The following BRINP3 variants were observed in gnomAD, a reference collection of about 807,000 sequenced individuals.
BRINP3 encodes BMP/retinoic acid-inducible neural-specific protein 3.
A neutral mutation model predicts 71.0 loss-of-function variants in BRINP3; 19 were observed. The ratio of observed to expected loss-of-function variants is 0.27; its 90% CI spans 0.19 to 0.39. The LOEUF (loss-of-function observed/expected upper bound fraction) is 0.39, where lower values mean the gene tolerates loss of function less well. BRINP3 is among the 10% of genes least tolerant of loss of function. BRINP3 has a pLI of 1.00. For synonymous variants in BRINP3, 380 were observed against 337.7 expected, an observed-to-expected ratio of 1.13 and a Z score of -1.37; for missense variants, 959 against 940.8, an observed-to-expected ratio of 1.02 and a Z score of -0.25.
At chr1:190,242,849 G>A (rs1337377377) in intron 4 of BRINP3, among the ~76,000 whole-genome samples, 5 of 152,066 alleles carry the variant, frequency 3.3e-5, no homozygotes, top group South Asian at 2.1e-4. Flanking sequence ...TGAAGGTTAC[G>A]TGAGAATAAT....
At chr1:190,310,167 C>T (rs549754861) in intron 2 of BRINP3, among the ~76,000 whole-genome samples, 14 of 150,292 alleles carry the variant, frequency 9.3e-5, no homozygotes, top group African/African-American at 2.4e-4. Flanking sequence ...CAAATAACAC[C>T]AAGGAAAGAA....
intron 2 of BRINP3, among the ~76,000 whole-genome samples, chr1:190,425,934 C>A (rs879764742): frequency 3.3e-5 from 5 of 151,676 alleles, no homozygotes; most frequent in Non-Finnish European, 7.4e-5. Context: ...CAATAACTAA[C>A]AAAAAGCCCA....
chr1:190,476,954 T>G (rs573724878), intron 1 of BRINP3, among the ~76,000 whole-genome samples: 1 of 152,308 alleles, frequency 6.6e-6, no homozygotes, highest in East Asian at 1.9e-4. Flanking sequence ...AAAAATACAC[T>G]TTGCAACAAA....
chr1:190,244,120 C>A (rs1659360930), intron 4 of BRINP3, among the ~76,000 whole-genome samples: 1 of 151,958 alleles, frequency 6.6e-6, no homozygotes, highest in Non-Finnish European at 1.5e-5. Context: ...ATGTAACGAA[C>A]TTGAATCATC....
At chr1:190,278,148 T>A (rs1035328880) in intron 3 of BRINP3, among the ~76,000 whole-genome samples, 18 of 151,876 alleles carry the variant, frequency 1.2e-4, no homozygotes, top group Non-Finnish European at 1.3e-4. Context: ...TTTATGACTG[T>A]AAAACTGATA....
At chr1:190,173,336 G>A (rs995821419) in intron 6 of BRINP3, among the ~76,000 whole-genome samples, 4 of 152,136 alleles carry the variant, frequency 2.6e-5, no homozygotes, top group African/African-American at 7.2e-5. Flanking sequence ...CATGGCTAAT[G>A]TTTTCAGTTT....
intron 6 of BRINP3, among the ~76,000 whole-genome samples, chr1:190,192,258 A>G (rs1296192815): frequency 1.3e-5 from 2 of 152,172 alleles, no homozygotes; most frequent in African/African-American, 4.8e-5. Context: ...TGAAGTAAAA[A>G]TAATCTTTAA....
chr1:190,454,701 C>CA lies in BRINP3; in HGVS notation c.189dup (p.Val64CysfsTer9). 1 of 1,614,124 alleles carries CA rather than the reference C, an allele frequency of 6.2e-7. No homozygotes were observed. Among genetic ancestry groups the CA allele is most frequent in the Non-Finnish European group, 8.5e-7 (1 of 1,180,026 alleles). On this transcript the variant is annotated frameshift_variant, in exon 2 of 8. Transcript: ENST00000367462. LOFTEE classifies it high-confidence loss of function. The stretch of plus-strand genomic sequence containing the variant: ...CTAAATCCCTGCCGGCTTCTGTCCA[C>CA]AAAATCTGTGTATTCCTGTGAGCGA...
chr1:190,446,417 C>T (rs1479238354), intron 2 of BRINP3, among the ~76,000 whole-genome samples: 2 of 151,936 alleles, frequency 1.3e-5, no homozygotes, highest in South Asian at 2.1e-4. Context: ...CTTACTATAG[C>T]TTCTTCAATA....
intron 7 of BRINP3, among the ~76,000 whole-genome samples, chr1:190,138,390 T>TA (rs1363260229): frequency 6.6e-6 from 1 of 152,140 alleles, no homozygotes; most frequent in Admixed American, 6.5e-5. Context: ...TTGCATAAGT[T>TA]AAAAAAACAA....
chr1:190,331,099 C>G (rs376855227), intron 2 of BRINP3, among the ~76,000 whole-genome samples: 3 of 151,862 alleles, frequency 2.0e-5, no homozygotes, highest in Admixed American at 2.0e-4. Flanking sequence ...TAAAATAAAG[C>G]AAAATAAAAT....
intron 6 of BRINP3, among the ~76,000 whole-genome samples, chr1:190,169,589 G>A (rs1651838567): frequency 2.0e-5 from 3 of 151,956 alleles, no homozygotes; most frequent in African/African-American, 7.3e-5. Flanking sequence ...AGGCCTCAAG[G>A]GCAATTATAA....
intron 1 of BRINP3, among the ~76,000 whole-genome samples, chr1:190,465,940 G>C (rs1231362769): frequency 6.6e-6 from 1 of 151,810 alleles, no homozygotes. Flanking sequence ...CAGATATCAA[G>C]ATTTAATTGT....
intron 5 of BRINP3, among the ~76,000 whole-genome samples, chr1:190,232,983 T>C (rs1015921206): frequency 1.3e-5 from 2 of 152,128 alleles, no homozygotes; most frequent in Admixed American, 6.5e-5. Context: ...TATTGATAAA[T>C]TGGATAACAT....
At chr1:190,271,874 G>T (rs1295338029) in intron 3 of BRINP3, among the ~76,000 whole-genome samples, 2 of 151,494 alleles carry the variant, frequency 1.3e-5, no homozygotes, top group African/African-American at 2.4e-5. Flanking sequence ...AAACCAATTT[G>T]ATTTAGGAAT....
At chr1:190,163,612 T>C (rs2102468864) in intron 6 of BRINP3, among the ~76,000 whole-genome samples, 1 of 148,128 alleles carries the variant, frequency 6.8e-6, no homozygotes, top group East Asian at 2.0e-4. Flanking sequence ...CAAATAATAA[T>C]ACGTAGTGAA....
chr1:190,402,571 C>T (rs1672000108), intron 2 of BRINP3, among the ~76,000 whole-genome samples: 1 of 152,024 alleles, frequency 6.6e-6, no homozygotes, highest in Non-Finnish European at 1.5e-5. Flanking sequence ...TGAAAAAGTC[C>T]TAGGTTCATA....
chr1:190,113,966 A>G (rs1006667424), intron 7 of BRINP3, among the ~76,000 whole-genome samples: 3 of 152,162 alleles, frequency 2.0e-5, no homozygotes, highest in Non-Finnish European at 4.4e-5. Context: ...CAGGAATCCT[A>G]TGTGTCTTCA....
chr1:190,111,254 C>A (rs960385604), intron 7 of BRINP3, among the ~76,000 whole-genome samples: 2 of 149,972 alleles, frequency 1.3e-5, no homozygotes, highest in South Asian at 2.1e-4. Context: ...ACTTTGGACC[C>A]GATGGTAATC....
Sources: gnomAD v4.1 joint callset for allele counts (sites outside exome capture counted in the v4.1 genomes callset) on GRCh38, gnomAD v4.1.1 for gene constraint, MANE v1.5 for transcripts, NCBI Gene and HGNC (gene_info 2026-07-23, HGNC 2026-07-21) for gene names.